CDKN1A: variants seen among roughly 807,000 people sequenced by gnomAD.
The protein encoded by CDKN1A is cyclin-dependent kinase inhibitor 1.
In CDKN1A, 14 loss-of-function variants were observed where a neutral mutation model predicts 14.8. That is an observed-to-expected ratio of 0.94 (90% CI 0.62 to 1.48). CDKN1A has a LOEUF of 1.48. CDKN1A is among the 40% of genes most tolerant of loss of function. The probability of loss-of-function intolerance (pLI) is 0.00; values close to 1 mark genes in which losing one functional copy is unlikely to be tolerated. For synonymous variants in CDKN1A, 92 were observed against 93.5 expected (o/e 0.98, Z 0.09); for missense variants, 203 against 231.7 (o/e 0.88, Z 0.80).
At chr6:36,679,087 C>A in intron 1 of CDKN1A, 1 of 735,724 alleles carries the variant, frequency 1.4e-6, no homozygotes, top group Non-Finnish European at 1.7e-6. Context: ...CTCCCCGCCC[C>A]TGGAAACCCA....
At chr6:36,679,201 G>A (rs1474583428) in intron 1 of CDKN1A, among the ~76,000 whole-genome samples, 2 of 152,238 alleles carry the variant, frequency 1.3e-5, no homozygotes, top group African/African-American at 2.4e-5. Flanking sequence ...TGGGGATGAA[G>A]TCCGTGTCCC....
rs765503766 is a variant in CDKN1A at position 36,684,200 on chromosome 6, C to G, written c.99C>G (p.Asp33Glu). The change falls in exon 2 of 3, where the codon GAC (aspartate) becomes GAG (glutamate). Residue 33 changes from aspartate (D) to glutamate (E), a missense_variant. Asp to Glu is a conservative substitution (Grantham distance 45). Coordinates refer to ENST00000244741, the MANE Select transcript of CDKN1A (RefSeq NM_000389.5). This position sits in a 1 kb window ranked among gnomAD's most constrained non-coding sequence, Gnocchi z 6.0. ...TGGACAGCGAGCAGCTGAGCCGCGA[C>G]TGTGATGCGCTAATGGCGGGCTGCA... Reference protein sequence around the residue: ...GPVDSEQLSRDCDALMAGCIQ... With the variant: ...GPVDSEQLSRECDALMAGCIQ... 3.1e-6 allele frequency: 5 copies of G among 1,611,894 alleles called. No individual in the cohort carries two copies. The highest frequency in any genetic ancestry group is 1.7e-5 in the Admixed American group (1 of 60,012).
At chr6:36,683,749 C>A (rs1762093651) in intron 1 of CDKN1A, among the ~76,000 whole-genome samples, 1 of 152,250 alleles carries the variant, frequency 6.6e-6, no homozygotes, top group African/African-American at 2.4e-5. Context: ...GGGGGGCATT[C>A]ACACCCATGA....
intron 2 of CDKN1A, among the ~76,000 whole-genome samples, chr6:36,685,451 G>A (rs1183979162): frequency 1.3e-5 from 2 of 152,220 alleles, no homozygotes; most frequent in Non-Finnish European, 2.9e-5. Flanking sequence ...TTTGATTGTA[G>A]TCTGTTTAAA....
Position 36,678,934 on chromosome 6 carries a change from C to A in CDKN1A, c.-6+136C>A. On this transcript the variant is annotated intron_variant, in intron 1 of 2. Transcript: ENST00000244741. The surrounding 1 kb of genome is among the most constrained non-coding windows in gnomAD (Gnocchi z 5.7). Reference sequence around the variant, plus strand: ...TGTGCTGCGTTCACAGGTGTTTCTGCGGCAGGTGAATGACGGGCGTGGGTC... The same window carrying A: ...TGTGCTGCGTTCACAGGTGTTTCTGAGGCAGGTGAATGACGGGCGTGGGTC... 9.1e-6 allele frequency: 9 copies of A among 985,934 alleles called. No homozygotes were observed. The highest frequency in any genetic ancestry group is 1.1e-5 in the Non-Finnish European group (9 of 830,276). The allele number at this position is 985,934 out of a possible 1,614,324, so 61.1% of individuals were successfully genotyped here.
chr6:36,677,678 G>T, upstream of CDKN1A: 1 of 421,182 alleles, frequency 2.4e-6, no homozygotes, highest in Non-Finnish European at 4.5e-6. Context: ...TGGCATTTTT[G>T]TCATTTTGGA....
At chr6:36,681,334 T>TTCTTTCTTTCCTTCTTTC (rs780161958) in intron 1 of CDKN1A, among the ~76,000 whole-genome samples, 1 of 86,136 alleles carries the variant, frequency 1.2e-5, no homozygotes, top group African/African-American at 4.3e-5. Context: ...CTTTCTTTCT[T>TTCTTTCTTTCCTTCTTTC]TTTCTTTCTT....
At chr6:36,680,183 TTTTG>T (rs946317698) in intron 1 of CDKN1A, among the ~76,000 whole-genome samples, 2 of 152,074 alleles carry the variant, frequency 1.3e-5, no homozygotes, top group African/African-American at 4.8e-5. Flanking sequence ...TTGCGAGCGG[TTTTG>T]TTTTCGTTGC....
upstream of CDKN1A, chr6:36,678,668 C>A: frequency 1.0e-6 from 1 of 985,288 alleles, no homozygotes; most frequent in Non-Finnish European, 1.2e-6. The surrounding 1 kb of genome is among the most constrained non-coding windows in gnomAD (Gnocchi z 5.7). Flanking sequence ...GAGGCGGGCC[C>A]GGGCGGGGCG....
upstream of CDKN1A, chr6:36,677,929 T>C: frequency 7.5e-7 from 1 of 1,329,650 alleles, no homozygotes; most frequent in Non-Finnish European, 9.9e-7. Flanking sequence ...ATTTCTTCTG[T>C]TCAGGTGAGT....
rs564442732 is a variant in CDKN1A at position 36,687,272 on chromosome 6, A to G, written c.*1472A>G. Reference sequence around the variant, plus strand: ...CCCTGTACTGTTCTGTGTCTTTCACAGCTCCTCCCACAATGCTGAATATAC... The same window carrying G: ...CCCTGTACTGTTCTGTGTCTTTCACGGCTCCTCCCACAATGCTGAATATAC... On this transcript the variant is annotated 3_prime_UTR_variant, in exon 3 of 3. Transcript: ENST00000244741. 5 of 232,930 alleles carry G rather than the reference A, an allele frequency of 2.1e-5. No individual in the cohort carries two copies. Among genetic ancestry groups the G allele is most frequent in the Admixed American group, 5.6e-5 (1 of 17,772 alleles). The allele number at this position is 232,930 out of a possible 1,614,324, so 14.4% of individuals were successfully genotyped here. A position where few individuals can be genotyped will look rare whatever the true frequency, so the allele number is the denominator to read the frequency against.
intron 1 of CDKN1A, chr6:36,682,561 G>A (rs1762053329): frequency 6.6e-6 from 1 of 152,312 alleles, no homozygotes; most frequent in Non-Finnish European, 1.5e-5. Flanking sequence ...AAGCAGTGGG[G>A]TGAGGTGGGG....
rs1048590990 is a variant in CDKN1A, at chr6:36,684,996, C to T, written c.445+450C>T. The stretch of plus-strand genomic sequence containing the variant: ...CTGGGACTATAGTTGTACACCACTA[C>T]GCCCGGTTAATTTTTTGAGTTTTTG... On this transcript the variant is annotated intron_variant, in intron 2 of 2. Transcript: ENST00000244741. The surrounding 1 kb of genome is among the most constrained non-coding windows in gnomAD (Gnocchi z 6.0). Among the ~76,000 whole-genome samples the T allele has an allele frequency of 6.6e-6, 1 of 152,124 alleles. No individual in the cohort carries two copies. Among genetic ancestry groups the T allele is most frequent in the Admixed American group, 6.6e-5 (1 of 15,266 alleles).
chr6:36,687,166 A>G lies in CDKN1A; in HGVS notation c.*1366A>G. ...CAGCTCCTGTAACATACTGGCCTGGACTGTTTTCTCTCGGCTCCCCATGTG... is the reference window on the plus strand; with the variant it reads ...CAGCTCCTGTAACATACTGGCCTGGGCTGTTTTCTCTCGGCTCCCCATGTG... On this transcript the variant is annotated 3_prime_UTR_variant, in exon 3 of 3. Transcript: ENST00000244741. The G allele has an allele frequency of 4.3e-6, 1 of 233,230 alleles. No homozygotes were observed. The highest frequency in any genetic ancestry group is 8.5e-6 in the Non-Finnish European group (1 of 118,158). The allele number at this position is 233,230 out of a possible 1,614,324, so 14.4% of individuals were successfully genotyped here.
upstream of CDKN1A, chr6:36,678,384 C>A: frequency 6.1e-6 from 1 of 163,270 alleles, no homozygotes; most frequent in Non-Finnish European, 1.3e-5. This position sits in a 1 kb window ranked among gnomAD's most constrained non-coding sequence, Gnocchi z 5.7. Flanking sequence ...TCTAACAGTG[C>A]TGTGTCCTCC....
rs4986866 is a variant in CDKN1A, at chr6:36,684,112, C to T, written c.11C>T (p.Pro4Leu). 9.6e-4 allele frequency: 1,552 copies of T among 1,613,390 alleles called. 17 individuals carry two copies. The African/African-American group carries it at 0.019, about 19-fold the overall frequency. Residue 4 changes from proline (P) to leucine (L), a missense_variant, in exon 2 of 3, where the codon CCG becomes CTG. By Grantham distance (98) the Pro-to-Leu change is moderately conservative. Coordinates refer to ENST00000244741, the MANE Select transcript of CDKN1A (RefSeq NM_000389.5). The surrounding 1 kb of genome is among the most constrained non-coding windows in gnomAD (Gnocchi z 6.0). MSE[P>L]AGDVRQNPCG... is the part of the protein sequence containing the mutation. ...TCTGCTGCAGGCGCCATGTCAGAAC[C>T]GGCTGGGGATGTCCGTCAGAACCCA...
intron 1 of CDKN1A, among the ~76,000 whole-genome samples, chr6:36,683,200 G>GTC (rs1762075681): frequency 6.6e-6 from 1 of 152,224 alleles, no homozygotes; most frequent in Non-Finnish European, 1.5e-5. Context: ...TAATTCTCAT[G>GTC]TCTATCCTCT....
chr6:36,677,577 T>C (rs981469096), upstream of CDKN1A: 15 of 364,600 alleles, frequency 4.1e-5, no homozygotes, highest in Non-Finnish European at 7.4e-5. Flanking sequence ...ACATCACTCA[T>C]TTCTGTGTCT....
At chr6:36,685,274 C>G (rs1762162044) in intron 2 of CDKN1A, among the ~76,000 whole-genome samples, 1 of 152,202 alleles carries the variant, frequency 6.6e-6, no homozygotes, top group South Asian at 2.1e-4. Flanking sequence ...ATGGGCCCGG[C>G]ATTGTGCTGA....
Sources: gnomAD v4.1 joint callset for allele counts (sites outside exome capture counted in the v4.1 genomes callset) on GRCh38, gnomAD v4.1.1 for gene constraint, Gnocchi (gnomAD v3.1) non-coding constraint, MANE v1.5 for transcripts, NCBI Gene and HGNC (gene_info 2026-07-23, HGNC 2026-07-21) for gene names.